The following PDCD6IP variants were observed in gnomAD, a reference collection of about 807,000 sequenced individuals.
The protein encoded by PDCD6IP is programmed cell death 6 interacting protein.
PDCD6IP carries 43 observed loss-of-function variants against 103.7 expected under a neutral mutation model. That is an observed-to-expected ratio of 0.41 (90% CI 0.32 to 0.53). The LOEUF is 0.53. Among genes scored for constraint, PDCD6IP ranks in the 20% least tolerant of loss-of-function variants. The probability of loss-of-function intolerance (pLI) is 0.16; values close to 1 mark genes in which losing one functional copy is unlikely to be tolerated. For synonymous variants in PDCD6IP, 354 were observed against 378.7 expected (o/e 0.93, Z 0.76); for missense variants, 871 against 1,036.7 (o/e 0.84, Z 2.20).
chr3:33,798,912 G>T lies in PDCD6IP; in HGVS notation c.184G>T (p.Glu62Ter). The T allele has an allele frequency of 6.5e-7, 1 of 1,541,782 alleles. No individual in the cohort carries two copies. Among genetic ancestry groups the T allele is most frequent in the Non-Finnish European group, 8.8e-7 (1 of 1,140,552 alleles). The change falls in exon 1 of 18, where the codon GAG becomes TAG. Residue 62 changes from glutamate to a stop codon, truncating the protein, a stop_gained. Coordinates refer to ENST00000307296, the MANE Select transcript of PDCD6IP (RefSeq NM_013374.6). LOFTEE classifies it high-confidence loss of function. ...AGTCGGTCGTCCGCTGGACAAGCAC[G>T]AGGGCGCGCTCGAGACGCTCCTGAG... is the stretch of plus-strand genomic sequence containing the variant. ...AAVGRPLDKHEGALETLLRYY... is the reference protein window; with the variant it reads ...AAVGRPLDKH
chr3:33,846,583 C>T lies in PDCD6IP; in HGVS notation c.1641+995C>T, dbSNP rs1244402478. ...ATTTCAGTAATTTTGGAGTAGTTCTCTTCAGAGGCTTCTTAAGAGATTGGC... is the reference window on the plus strand; with the variant it reads ...ATTTCAGTAATTTTGGAGTAGTTCTTTTCAGAGGCTTCTTAAGAGATTGGC... On this transcript the variant is annotated intron_variant, in intron 12 of 17. Coordinates refer to ENST00000307296, the MANE Select transcript of PDCD6IP (RefSeq NM_013374.6). Among the ~76,000 whole-genome samples the T allele has an allele frequency of 1.3e-5, 2 of 152,130 alleles. 1 individual carries two copies.
intron 1 of PDCD6IP, among the ~76,000 whole-genome samples, chr3:33,808,626 G>A (rs746222853): frequency 4.6e-5 from 7 of 152,236 alleles, no homozygotes; most frequent in Non-Finnish European, 7.4e-5. Context: ...CCATTGATCC[G>A]TGCTAGCATC....
intron 12 of PDCD6IP, among the ~76,000 whole-genome samples, chr3:33,850,772 A>ATTCT (rs550012250): frequency 1.3e-5 from 2 of 151,718 alleles, no homozygotes; most frequent in South Asian, 4.2e-4. Context: ...CCCACGTATG[A>ATTCT]TTCTTTCTCC....
chr3:33,832,700 T>C (rs944087126), intron 7 of PDCD6IP, among the ~76,000 whole-genome samples: 3 of 152,182 alleles, frequency 2.0e-5, no homozygotes, highest in African/African-American at 7.2e-5. Context: ...TTTTATTGTT[T>C]CATTGACTTG....
intron 1 of PDCD6IP, among the ~76,000 whole-genome samples, chr3:33,807,555 C>T (rs1379263262): frequency 6.9e-6 from 1 of 145,872 alleles, no homozygotes; most frequent in Admixed American, 7.3e-5. Flanking sequence ...ACCTACGGCC[C>T]CCTGGGGCAG....
intron 13 of PDCD6IP, 71 bp from the exon 14 acceptor site, chr3:33,853,808 T>G: frequency 1.4e-5 from 16 of 1,183,802 alleles, no homozygotes; most frequent in Non-Finnish European, 1.6e-5. Flanking sequence ...TTGGAAAAGA[T>G]CAATAAAAAT....
At chr3:33,826,972 G>A in intron 6 of PDCD6IP, 1 of 994,914 alleles carries the variant, frequency 1.0e-6, no homozygotes, top group South Asian at 4.5e-5. Flanking sequence ...TCTTAAAGAT[G>A]AGCCTTAAAG....
At chr3:33,820,596 C>T (rs1366381425) in intron 3 of PDCD6IP, among the ~76,000 whole-genome samples, 1 of 152,140 alleles carries the variant, frequency 6.6e-6, no homozygotes, top group Non-Finnish European at 1.5e-5. Flanking sequence ...AACCATCATT[C>T]TGATTTCTGT....
chr3:33,815,670 A>G (rs982284121), intron 3 of PDCD6IP, among the ~76,000 whole-genome samples: 1 of 152,210 alleles, frequency 6.6e-6, no homozygotes, highest in African/African-American at 2.4e-5. Flanking sequence ...TTTGCTGACT[A>G]CCAGTCAGAA....
chr3:33,853,010 G>A (rs1234741294), intron 13 of PDCD6IP, among the ~76,000 whole-genome samples: 1 of 148,436 alleles, frequency 6.7e-6, no homozygotes, highest in African/African-American at 2.5e-5. Flanking sequence ...TGCAAGCTCC[G>A]CCTCCCGGGT....
intron 8 of PDCD6IP, 91 bp from the exon 9 acceptor site, chr3:33,838,113 T>C (rs1697390777): frequency 1.0e-5 from 11 of 1,048,540 alleles, no homozygotes; most frequent in Non-Finnish European, 1.5e-5. Flanking sequence ...TTATAGACTA[T>C]GTGAATATTG....
chr3:33,820,549 G>C (rs997152660), intron 3 of PDCD6IP, among the ~76,000 whole-genome samples: 1 of 151,810 alleles, frequency 6.6e-6, no homozygotes, highest in African/African-American at 2.4e-5. Context: ...TGTACTAATT[G>C]AACAACAATC....
At position 33,841,971 on chromosome 3, in the gene PDCD6IP, C is replaced by T; in HGVS notation, c.1256C>T (p.Thr419Ile). ...GACACTGTACCTCAGTCTATATTGA[C>T]TAAATCCAGATCTGTGATTGAACAG... ...SGDTVPQSILTKSRSVIEQGG... is the reference protein window; with the variant it reads ...SGDTVPQSILIKSRSVIEQGG... The change falls in exon 10 of 18, where the codon ACT (threonine) becomes ATT (isoleucine). Residue 419 changes from threonine to isoleucine, a missense_variant. Coordinates refer to ENST00000307296, the MANE Select transcript of PDCD6IP (RefSeq NM_013374.6). 1.3e-6 allele frequency: 2 copies of T among 1,584,890 alleles called. No homozygotes were observed. Among genetic ancestry groups the T allele is most frequent in the African/African-American group, 2.7e-5 (2 of 74,434 alleles).
intron 3 of PDCD6IP, among the ~76,000 whole-genome samples, chr3:33,814,588 TTA>T (rs1406234210): frequency 1.3e-5 from 1 of 75,198 alleles, no homozygotes; most frequent in African/African-American, 4.9e-5. Context: ...TTCATGTATA[TTA>T]TATGTATATA....
intron 15 of PDCD6IP, among the ~76,000 whole-genome samples, chr3:33,863,548 T>C (rs1037667514): frequency 2.0e-5 from 3 of 152,202 alleles, no homozygotes; most frequent in Non-Finnish European, 4.4e-5. Flanking sequence ...ATTTCACTTA[T>C]CATGATGGCC....
intron 1 of PDCD6IP, chr3:33,799,657 CTTAATAG>C (rs1559767261): frequency 6.6e-6 from 1 of 152,148 alleles, no homozygotes. Context: ...TTTCATGATA[CTTAATAG>C]TTATAAGAAC....
At chr3:33,842,636 C>A (rs1343876528) in intron 10 of PDCD6IP, among the ~76,000 whole-genome samples, 1 of 151,882 alleles carries the variant, frequency 6.6e-6, no homozygotes, top group African/African-American at 2.4e-5. Flanking sequence ...TTTTTTAAAA[C>A]TTTAAAAAAT....
At chr3:33,822,602 C>T (rs760627856) in intron 4 of PDCD6IP, among the ~76,000 whole-genome samples, 37 of 152,046 alleles carry the variant, frequency 2.4e-4, no homozygotes, top group Admixed American at 9.8e-4. Flanking sequence ...ATCTGTTTTA[C>T]GTACTGATCA....
At chr3:33,825,712 C>T (rs750788137) in intron 5 of PDCD6IP, among the ~76,000 whole-genome samples, 4 of 152,006 alleles carry the variant, frequency 2.6e-5, no homozygotes, top group African/African-American at 9.7e-5. Context: ...TAGGTTTTGG[C>T]GACGGGAGAG....
Sources: gnomAD v4.1 joint callset for allele counts (sites outside exome capture counted in the v4.1 genomes callset) on GRCh38, gnomAD v4.1.1 for gene constraint, MANE v1.5 for transcripts, NCBI Gene and HGNC (gene_info 2026-07-23, HGNC 2026-07-21) for gene names.